Variants in METTL14 observed in about 807,000 individuals in gnomAD.
METTL14 encodes the protein methyltransferase 14, N6-adenosine-methyltransferase non-catalytic subunit, also known as N(6)-adenosine-methyltransferase non-catalytic subunit METTL14.
In METTL14, 32 loss-of-function variants were observed where a neutral mutation model predicts 62.4. The observed-to-expected ratio is 0.51, with a 90% CI of 0.39 to 0.69. METTL14 has a LOEUF of 0.69. METTL14 is among the 30% of genes least tolerant of loss of function. The probability of loss-of-function intolerance (pLI) is 0.00; values close to 1 mark genes in which losing one functional copy is unlikely to be tolerated. For missense variants in METTL14, 340 were observed against 551.9 expected, an observed-to-expected ratio of 0.62 and a Z score of 3.85; for synonymous variants, 150 against 180.0, an observed-to-expected ratio of 0.83 and a Z score of 1.34.
chr4:118,687,825 T>C, intron 1 of METTL14, 98 bp from the exon 2 acceptor site: 1 of 840,108 alleles, frequency 1.2e-6, no homozygotes, highest in Non-Finnish European at 1.9e-6. Flanking sequence ...TAAGGTGTTT[T>C]TGTTTTTTAA....
chr4:118,692,168 C>T, intron 5 of METTL14, 100 bp downstream of exon 5: 2 of 732,144 alleles, frequency 2.7e-6, no homozygotes, highest in South Asian at 1.9e-5. Flanking sequence ...ATTTCTCCAG[C>T]TTGACATCTT....
rs1724887415 is a variant in METTL14, at chr4:118,710,468, ACTGT to A, written c.*170_*173del. 4.5e-6 allele frequency: 3 copies of A among 663,382 alleles called. No individual in the cohort carries two copies. Among genetic ancestry groups the A allele is most frequent in the South Asian group, 2.1e-5 (1 of 46,702 alleles). The allele number at this position is 663,382 out of a possible 1,614,324, so 41.1% of individuals were successfully genotyped here. A position where few individuals can be genotyped will look rare whatever the true frequency, so the allele number is the denominator to read the frequency against. On this transcript the variant is annotated 3_prime_UTR_variant, in exon 11 of 11. Transcript: ENST00000388822. ...AGCCTTGCTTGCAGTTGTCACACAC[ACTGT>A]CTGGTTTTTTTCAGGATAAATGAAT...
chr4:118,686,580 C>T (rs1272848108), intron 1 of METTL14: 1 of 456,184 alleles, frequency 2.2e-6, no homozygotes, highest in Non-Finnish European at 4.4e-6. Context: ...ACCGTGGAAA[C>T]TTGGAGTCAG....
intron 10 of METTL14, among the ~76,000 whole-genome samples, chr4:118,708,403 C>T (rs1724822005): frequency 6.6e-6 from 1 of 152,078 alleles, no homozygotes; most frequent in Admixed American, 6.6e-5. Flanking sequence ...ATACCACAAA[C>T]ATGCCAAAAA....
chr4:118,710,181 G>A lies in METTL14; in HGVS notation c.1250G>A (p.Gly417Glu). 6.2e-7 allele frequency: 1 copy of A among 1,614,214 alleles called. No homozygotes were observed. Among genetic ancestry groups the A allele is most frequent in the Admixed American group, 1.7e-5 (1 of 60,024 alleles). Residue 417 changes from glycine to glutamate, a missense_variant, in exon 11 of 11, where the codon GGA becomes GAA. Coordinates refer to ENST00000388822, the MANE Select transcript of METTL14 (RefSeq NM_020961.4). ...GGAGGTGGAGCTCCCAGAGGTGGAGGAAGAGGTGGAACTTCTGCTGGCCGT... is the reference window on the plus strand; with the variant it reads ...GGAGGTGGAGCTCCCAGAGGTGGAGAAAGAGGTGGAACTTCTGCTGGCCGT... ...DRGGGAPRGG[G>E]RGGTSAGRGR... is the part of the protein sequence containing the mutation.
At chr4:118,691,106 CT>C (rs33920104) in intron 3 of METTL14, among the ~76,000 whole-genome samples, 4,513 of 148,140 alleles carry the variant, frequency 0.03, 217 homozygotes, top group African/African-American at 0.1. Context: ...ATGTTTGTGA[CT>C]TTTTTTTTTA....
In METTL14 at chr4:118,712,202, G is replaced by A. The variant is rs1054230848; in HGVS notation, c.*1900G>A. The A allele has an allele frequency of 6.6e-6, 1 of 152,204 alleles. No homozygotes were observed. The highest frequency in any genetic ancestry group is 1.9e-4 in the East Asian group (1 of 5,200). 9.4% of individuals were successfully genotyped at this position (152,204 alleles called of 1,614,324 possible). On this transcript the variant is annotated 3_prime_UTR_variant, in exon 11 of 11. Transcript: ENST00000388822. ...CTAACTTTCACTTTCAGTAAAGGTT[G>A]AGGTGTTGTTTTTGCAATGACTGTG... is the stretch of plus-strand genomic sequence containing the variant.
intron 2 of METTL14, 111 bp from the exon 3 acceptor site, chr4:118,689,259 A>G (rs1724169051): frequency 1.9e-6 from 1 of 527,470 alleles, no homozygotes. Flanking sequence ...GATATTCTTT[A>G]ATCAGGAAAA....
rs1427084697 is a variant in METTL14 at position 118,685,683 on chromosome 4, C to G, written c.66+83C>G. 7 of 1,194,602 alleles carry G rather than the reference C, an allele frequency of 5.9e-6. No individual in the cohort carries two copies. In the East Asian group the frequency reaches 1.8e-4, roughly 30 times the overall value. 74.0% of individuals were successfully genotyped at this position (1,194,602 alleles called of 1,614,324 possible). ...TCCTCCCTCCACACCCCGCCTTTTT[C>G]TGTCCCTTCTCTACCTGCCGCTGTT... On this transcript the variant is annotated intron_variant, in intron 1 of 10. Coordinates refer to ENST00000388822, the MANE Select transcript of METTL14 (RefSeq NM_020961.4).
rs536422076 is a variant in METTL14, at chr4:118,694,623, A to G, written c.503+97A>G. On this transcript the variant is annotated intron_variant, in intron 6 of 10. Coordinates refer to ENST00000388822, the MANE Select transcript of METTL14 (RefSeq NM_020961.4). Reference sequence around the variant, plus strand: ...CTTTTTTCTTCTTCCTAAATTCAGCACTTATGTTAACATGCTTTATTACTC... The same window carrying G: ...CTTTTTTCTTCTTCCTAAATTCAGCGCTTATGTTAACATGCTTTATTACTC... 3 of 856,656 alleles carry G rather than the reference A, an allele frequency of 3.5e-6. No homozygotes were observed. In the East Asian group the frequency reaches 7.7e-5, roughly 22 times the overall value. 53.1% of individuals were successfully genotyped at this position (856,656 alleles called of 1,614,324 possible).
chr4:118,706,245 C>G (rs915960730), intron 10 of METTL14, among the ~76,000 whole-genome samples: 11 of 152,206 alleles, frequency 7.2e-5, no homozygotes, highest in Admixed American at 2.6e-4. Context: ...CCTCTGTGCT[C>G]CACTTATTCA....
Position 118,685,411 on chromosome 4 carries a change from C to A in METTL14, c.-124C>A. 1.0e-6 allele frequency: 1 copy of A among 971,034 alleles called. No individual in the cohort carries two copies. The highest frequency in any genetic ancestry group is 1.6e-6 in the Non-Finnish European group (1 of 612,678). The allele number at this position is 971,034 out of a possible 1,614,324, so 60.2% of individuals were successfully genotyped here. A position where few individuals can be genotyped will look rare whatever the true frequency, so the allele number is the denominator to read the frequency against. On this transcript the variant is annotated 5_prime_UTR_variant, in exon 1 of 11. Transcript: ENST00000388822. ...CGCCGGAAGTCTCTACTGAGGAAAGCTATGAGGATACTCTGTTCGTAAGCT... is the reference window on the plus strand; with the variant it reads ...CGCCGGAAGTCTCTACTGAGGAAAGATATGAGGATACTCTGTTCGTAAGCT...
rs1406756524 is a variant in METTL14, at chr4:118,711,183, A to G, written c.*881A>G. 4 of 152,216 alleles carry G rather than the reference A, an allele frequency of 2.6e-5. No individual in the cohort carries two copies. The highest frequency in any genetic ancestry group is 4.4e-5 in the Non-Finnish European group (3 of 68,032). The allele number at this position is 152,216 out of a possible 1,614,324, so 9.4% of individuals were successfully genotyped here. On this transcript the variant is annotated 3_prime_UTR_variant, in exon 11 of 11. Coordinates refer to ENST00000388822, the MANE Select transcript of METTL14 (RefSeq NM_020961.4). Reference sequence around the variant, plus strand: ...AATGACATACACCTTTAAACTTGTTATGGAGATAGTTTAATGTAAAACCAA... The same window carrying G: ...AATGACATACACCTTTAAACTTGTTGTGGAGATAGTTTAATGTAAAACCAA...
chr4:118,696,251 TCTTG>T (rs1724409523), intron 6 of METTL14, among the ~76,000 whole-genome samples: 1 of 152,006 alleles, frequency 6.6e-6, no homozygotes, highest in African/African-American at 2.4e-5. Flanking sequence ...ACCTTTACTT[TCTTG>T]CTTATTTACT....
chr4:118,687,988 T>C lies in METTL14; in HGVS notation c.132T>C (p.Ile44=). The change falls in exon 2 of 11, where the codon ATT becomes ATC. Residue 44 remains isoleucine (I), a synonymous_variant. Transcript: ENST00000388822. Reference sequence around the variant, plus strand: ...ATAGCAAAGATGAGCAGAGAGAAATTGCTGAAACAAGAGAAACTTGCAGGT... The same window carrying C: ...ATAGCAAAGATGAGCAGAGAGAAATCGCTGAAACAAGAGAAACTTGCAGGT... ...VLNSKDEQRE[I]AETRETCRAS... is the part of the protein sequence containing the mutation. The C allele has an allele frequency of 1.3e-5, 21 of 1,613,352 alleles. No homozygotes were observed. The highest frequency in any genetic ancestry group is 1.8e-5 in the Non-Finnish European group (21 of 1,179,556).
At chr4:118,693,600 T>C (rs1253687886) in intron 5 of METTL14, among the ~76,000 whole-genome samples, 1 of 152,210 alleles carries the variant, frequency 6.6e-6, no homozygotes, top group East Asian at 1.9e-4. Flanking sequence ...AATGTTTTTA[T>C]AAGCAAAATG....
At chr4:118,706,339 C>T (rs115545202) in intron 10 of METTL14, among the ~76,000 whole-genome samples, 335 of 152,302 alleles carry the variant, frequency 2.2e-3, no homozygotes, top group African/African-American at 7.6e-3. Context: ...TAGTTGGAAT[C>T]GTATAGTATG....
At chr4:118,696,922 G>T (rs906068470) in intron 6 of METTL14, among the ~76,000 whole-genome samples, 7 of 152,038 alleles carry the variant, frequency 4.6e-5, no homozygotes, top group Non-Finnish European at 1.0e-4. Flanking sequence ...GGGAAAATAG[G>T]ACTTTTACTA....
At chr4:118,696,114 T>A (rs1724401704) in intron 6 of METTL14, among the ~76,000 whole-genome samples, 3 of 34,742 alleles carry the variant, frequency 8.6e-5, no homozygotes, top group East Asian at 9.3e-4. Context: ...TGAGACTCTG[T>A]CTCAAAAAAA....
Sources: gnomAD v4.1 joint callset for allele counts (sites outside exome capture counted in the v4.1 genomes callset) on GRCh38, gnomAD v4.1.1 for gene constraint, MANE v1.5 for transcripts, NCBI Gene and HGNC (gene_info 2026-07-23, HGNC 2026-07-21) for gene names.